PELO: variants seen among roughly 807,000 people sequenced by gnomAD.
PELO encodes the protein protein pelota homolog.
A neutral mutation model predicts 25.9 loss-of-function variants in PELO; 19 were observed. The ratio of observed to expected loss-of-function variants is 0.73; its 90% CI spans 0.51 to 1.08. PELO has a LOEUF of 1.08. Among genes scored for constraint, PELO ranks in the 50% least tolerant of loss-of-function variants. The pLI is 0.00. For synonymous variants in PELO, 196 were observed against 192.2 expected (o/e 1.02, Z -0.16); for missense variants, 498 against 491.4 (o/e 1.01, Z -0.13).
At position 52,803,803 on chromosome 5, in the gene PELO, C is replaced by G. The variant is rs1241148969; in HGVS notation, c.*1963C>G. 1 of 152,242 alleles carries G rather than the reference C, an allele frequency of 6.6e-6. No individual in the cohort carries two copies. Among genetic ancestry groups the G allele is most frequent in the African/African-American group, 2.4e-5 (1 of 41,544 alleles). 9.4% of individuals were successfully genotyped at this position (152,242 alleles called of 1,614,324 possible). On this transcript the variant is annotated 3_prime_UTR_variant, in exon 3 of 3. Coordinates refer to ENST00000274311, the MANE Select transcript of PELO (RefSeq NM_015946.5). ...TGTAGACCTACTGAGACAGGCGCTA[C>G]CTGTACCAACATCTCTAGATGATTC... is the stretch of plus-strand genomic sequence containing the variant.
chr5:52,799,644 CAGT>C (rs1748414175), intron 1 of PELO, among the ~76,000 whole-genome samples: 1 of 152,190 alleles, frequency 6.6e-6, no homozygotes, highest in Non-Finnish European at 1.5e-5. Context: ...AGAACGTGAC[CAGT>C]AGTTCTCAGA....
chr5:52,801,666 G>A lies in PELO; in HGVS notation c.984G>A (p.Arg328=). The change falls in exon 3 of 3, where the codon CGG becomes CGA. Residue 328 remains arginine (R), a synonymous_variant. Transcript: ENST00000274311. Reference sequence around the variant, plus strand: ...ATCAGGATGTAGCCACACGGAGCCGGTATGTGAGGCTGGTGGACAGTGTGA... The same window carrying A: ...ATCAGGATGTAGCCACACGGAGCCGATATGTGAGGCTGGTGGACAGTGTGA... ...FRHQDVATRS[R]YVRLVDSVKE... 6.2e-7 allele frequency: 1 copy of A among 1,614,160 alleles called. No homozygotes were observed. The highest frequency in any genetic ancestry group is 8.5e-7 in the Non-Finnish European group (1 of 1,180,002).
chr5:52,800,220 A>G lies in PELO; in HGVS notation c.-175A>G. The G allele has an allele frequency of 1.6e-6, 1 of 627,604 alleles. No homozygotes were observed. The allele number at this position is 627,604 out of a possible 1,614,324, so 38.9% of individuals were successfully genotyped here. On this transcript the variant is annotated 5_prime_UTR_variant, in exon 2 of 3. Coordinates refer to ENST00000274311, the MANE Select transcript of PELO (RefSeq NM_015946.5). ...GACTGAGAGAGGAAAGGATAGAGGA[A>G]GTGCTGCCCTAGGCTGCATGAGTCG...
chr5:52,788,210 C>A lies in PELO; in HGVS notation c.-715C>A. The A allele has an allele frequency of 1.9e-6, 1 of 536,366 alleles. No homozygotes were observed. Among genetic ancestry groups the A allele is most frequent in the South Asian group, 2.7e-5 (1 of 37,048 alleles). 33.2% of individuals were successfully genotyped at this position (536,366 alleles called of 1,614,324 possible). On this transcript the variant is annotated 5_prime_UTR_variant, in exon 1 of 3. Transcript: ENST00000274311. ...GAAAACACAGGAAATCACTCCTCTC[C>A]CGCTCCTGGGCGCCGCTGCCACTGG...
chr5:52,788,583 C>G (rs1053403791), intron 1 of PELO, among the ~76,000 whole-genome samples, 169 bp downstream of exon 1: 1 of 152,190 alleles, frequency 6.6e-6, no homozygotes, highest in Admixed American at 6.5e-5. Flanking sequence ...GTTTCGCGTT[C>G]TGGTTTTGAT....
At chr5:52,792,534 T>G (rs1748262086) in intron 1 of PELO, among the ~76,000 whole-genome samples, 1 of 152,180 alleles carries the variant, frequency 6.6e-6, no homozygotes, top group African/African-American at 2.4e-5. Context: ...TTTTGAAGCA[T>G]GAGCTCTTGG....
Position 52,788,466 on chromosome 5 carries a change from G to A in PELO, c.-511+52G>A, listed in dbSNP as rs7705797. The A allele has an allele frequency of 0.016, 21,495 of 1,386,032 alleles. 2,638 individuals carry two copies. The African/African-American group carries it at 0.28, about 18-fold the overall frequency. 85.9% of individuals were successfully genotyped at this position (1,386,032 alleles called of 1,614,324 possible). A position where few individuals can be genotyped will look rare whatever the true frequency, so the allele number is the denominator to read the frequency against. On this transcript the variant is annotated intron_variant, in intron 1 of 2. Coordinates refer to ENST00000274311, the MANE Select transcript of PELO (RefSeq NM_015946.5). ...TCTCCTGCTCGCGGGCTTGGGGCTTGGAGCGGGGAGGGAGGTCCTCAGAGC... is the reference window on the plus strand; with the variant it reads ...TCTCCTGCTCGCGGGCTTGGGGCTTAGAGCGGGGAGGGAGGTCCTCAGAGC...
At chr5:52,788,526 C>CT in intron 1 of PELO, 112 bp downstream of exon 1, 1 of 911,332 alleles carries the variant, frequency 1.1e-6, no homozygotes, top group Non-Finnish European at 1.5e-6. Flanking sequence ...CGCCCATCCA[C>CT]TTTCGGGCAT....
chr5:52,799,629 C>T (rs1748413950), intron 1 of PELO, among the ~76,000 whole-genome samples: 1 of 152,228 alleles, frequency 6.6e-6, no homozygotes, highest in Non-Finnish European at 1.5e-5. Flanking sequence ...GCTGGGAGCC[C>T]AGACAGAACG....
rs933181599 is a variant in PELO at position 52,802,901 on chromosome 5, T to G, written c.*1061T>G. On this transcript the variant is annotated 3_prime_UTR_variant, in exon 3 of 3. Transcript: ENST00000274311. ...ACTCTGATACTCTTTACTATAATTA[T>G]GGAATTGTGCAAATACCTCTGAGTT... The G allele has an allele frequency of 1.3e-5, 2 of 152,214 alleles. No individual in the cohort carries two copies. Among genetic ancestry groups the G allele is most frequent in the African/African-American group, 4.8e-5 (2 of 41,450 alleles). The allele number at this position is 152,214 out of a possible 1,614,324, so 9.4% of individuals were successfully genotyped here. A position where few individuals can be genotyped will look rare whatever the true frequency, so the allele number is the denominator to read the frequency against.
chr5:52,788,180 T>G lies in PELO; in HGVS notation c.-745T>G. On this transcript the variant is annotated 5_prime_UTR_variant, in exon 1 of 3. It adds an upstream start codon to the 5' untranslated region. Coordinates refer to ENST00000274311, the MANE Select transcript of PELO (RefSeq NM_015946.5). ...AAGCGTGGAGCGCATTTAGAGGAAT[T>G]CGACGAAAACACAGGAAATCACTCC... 2.1e-6 allele frequency: 1 copy of G among 481,346 alleles called. No individual in the cohort carries two copies. Among genetic ancestry groups the G allele is most frequent in the Admixed American group, 4.4e-5 (1 of 22,890 alleles). 29.8% of individuals were successfully genotyped at this position (481,346 alleles called of 1,614,324 possible).
Position 52,801,431 on chromosome 5 carries a change from A to G in PELO, c.749A>G (p.Lys250Arg), listed in dbSNP as rs1427444607. ...TAGGTACATGCCTCCTCCGGACACA[A>G]GTACTCCCTGAAAGAGGCCCTTTGT... Reference protein sequence around the residue: ...FLQVHASSGHKYSLKEALCDP... With the variant: ...FLQVHASSGHRYSLKEALCDP... The change falls in exon 3 of 3, where the codon AAG (lysine) becomes AGG (arginine). Residue 250 changes from lysine to arginine, a missense_variant. Coordinates refer to ENST00000274311, the MANE Select transcript of PELO (RefSeq NM_015946.5). 1 of 1,613,632 alleles carries G rather than the reference A, an allele frequency of 6.2e-7. No individual in the cohort carries two copies. The highest frequency in any genetic ancestry group is 1.7e-5 in the Admixed American group (1 of 59,996).
In PELO at chr5:52,787,942, T is replaced by G; in HGVS notation, c.-983T>G. On this transcript the variant is annotated 5_prime_UTR_variant, in exon 1 of 3. Coordinates refer to ENST00000274311, the MANE Select transcript of PELO (RefSeq NM_015946.5). ...CCCGCCTTCCTACCACCTTAGGGGA[T>G]TTGGCCCGGAGAACGAGATCACCCT... 1 of 165,336 alleles carries G rather than the reference T, an allele frequency of 6.0e-6. No individual in the cohort carries two copies. Among genetic ancestry groups the G allele is most frequent in the Non-Finnish European group, 1.3e-5 (1 of 76,952 alleles). The allele number at this position is 165,336 out of a possible 1,614,324, so 10.2% of individuals were successfully genotyped here.
chr5:52,800,057 T>C lies in PELO; in HGVS notation c.-338T>C. On this transcript the variant is annotated 5_prime_UTR_variant, in exon 2 of 3. Transcript: ENST00000274311. Reference sequence around the variant, plus strand: ...GCCTCTCCTTTGGGGACGGGAGACGTGCGTCGGGTCGCGGGACGGGGGCTG... The same window carrying C: ...GCCTCTCCTTTGGGGACGGGAGACGCGCGTCGGGTCGCGGGACGGGGGCTG... The C allele has an allele frequency of 3.1e-6, 1 of 321,976 alleles. No homozygotes were observed. The highest frequency in any genetic ancestry group is 5.9e-6 in the Non-Finnish European group (1 of 170,600). The allele number at this position is 321,976 out of a possible 1,614,324, so 19.9% of individuals were successfully genotyped here.
chr5:52,802,566 C>G lies in PELO; in HGVS notation c.*726C>G, dbSNP rs1406878678. ...TGTCAAAATAATCTCCTTGAGGCAT[C>G]TTTATTTTTAAAATGAGATTAAAGT... On this transcript the variant is annotated 3_prime_UTR_variant, in exon 3 of 3. Transcript: ENST00000274311. The G allele has an allele frequency of 6.6e-6, 1 of 152,092 alleles. No individual in the cohort carries two copies. Among genetic ancestry groups the G allele is most frequent in the African/African-American group, 2.4e-5 (1 of 41,412 alleles). 9.4% of individuals were successfully genotyped at this position (152,092 alleles called of 1,614,324 possible).
rs577279346 is a variant in PELO, at chr5:52,791,767, A to C, written c.-511+3353A>C. Among the ~76,000 whole-genome samples, 12 of 152,360 alleles carry C rather than the reference A, an allele frequency of 7.9e-5. No homozygotes were observed. The South Asian group carries it at 2.5e-3, about 32-fold the overall frequency. The stretch of plus-strand genomic sequence containing the variant: ...CCTCAGCTTGTTGATTAGCCTTGAA[A>C]AAAAGAAAAGAAAAAATTAAAACTT... On this transcript the variant is annotated intron_variant, in intron 1 of 2. Coordinates refer to ENST00000274311, the MANE Select transcript of PELO (RefSeq NM_015946.5).
chr5:52,795,540 C>T (rs903112201), intron 1 of PELO, among the ~76,000 whole-genome samples: 2 of 151,824 alleles, frequency 1.3e-5, no homozygotes, highest in African/African-American at 4.8e-5. Flanking sequence ...ATTCAACTCA[C>T]CAATGAGGTC....
In PELO at chr5:52,801,662, G is replaced by A; in HGVS notation, c.980G>A (p.Ser327Asn). The A allele has an allele frequency of 1.2e-6, 2 of 1,614,178 alleles. No homozygotes were observed. The highest frequency in any genetic ancestry group is 1.7e-6 in the Non-Finnish European group (2 of 1,180,002). Residue 327 changes from serine (S) to asparagine (N), a missense_variant, in exon 3 of 3, where the codon AGC (serine) becomes AAC (asparagine). Coordinates refer to ENST00000274311, the MANE Select transcript of PELO (RefSeq NM_015946.5). Reference protein sequence around the residue: ...LFRHQDVATRSRYVRLVDSVK... With the variant: ...LFRHQDVATRNRYVRLVDSVK... ...AGGCATCAGGATGTAGCCACACGGAGCCGGTATGTGAGGCTGGTGGACAGT... is the reference window on the plus strand; with the variant it reads ...AGGCATCAGGATGTAGCCACACGGAACCGGTATGTGAGGCTGGTGGACAGT...
rs1748428344 is a variant in PELO, at chr5:52,800,079, G to A, written c.-316G>A. On this transcript the variant is annotated 5_prime_UTR_variant, in exon 2 of 3. Transcript: ENST00000274311. ...ACGTGCGTCGGGTCGCGGGACGGGG[G>A]CTGCGCATGCGCCTTCATTTCGTCA... 2.9e-6 allele frequency: 1 copy of A among 347,916 alleles called. No homozygotes were observed. The highest frequency in any genetic ancestry group is 5.3e-6 in the Non-Finnish European group (1 of 187,472). 21.6% of individuals were successfully genotyped at this position (347,916 alleles called of 1,614,324 possible). A position where few individuals can be genotyped will look rare whatever the true frequency, so the allele number is the denominator to read the frequency against.
Sources: gnomAD v4.1 joint callset for allele counts (sites outside exome capture counted in the v4.1 genomes callset) on GRCh38, gnomAD v4.1.1 for gene constraint, MANE v1.5 for transcripts, NCBI Gene and HGNC (gene_info 2026-07-23, HGNC 2026-07-21) for gene names.